The following DMD variants were observed in gnomAD, a reference collection of about 807,000 sequenced individuals.
The protein encoded by DMD is dystrophin, also known as mutant dystrophin.
Under a neutral mutation model 330.1 loss-of-function variants are expected in DMD, and 63 were observed. The ratio of observed to expected loss-of-function variants is 0.19; its 90% confidence interval spans 0.16 to 0.24. The LOEUF (loss-of-function observed/expected upper bound fraction) is 0.24, where lower values mean the gene tolerates loss of function less well. DMD is among the 10% of genes least tolerant of loss of function. DMD has a pLI of 1.00. For missense variants in DMD, 3,344 were observed against 2,684.1 expected (o/e 1.25, Z -5.43); for synonymous variants, 1,223 against 959.8 (o/e 1.27, Z -5.07).
chrX:32,755,789 G>T (rs2071432501), intron 7 of DMD, among the ~76,000 whole-genome samples: 1 of 112,042 alleles, frequency 8.9e-6, no homozygotes. Flanking sequence ...TCAAGAAAAT[G>T]GTTGTGTATC....
At position 32,077,222 on chromosome X, in the gene DMD, C is replaced by T. The variant is rs762471193; in HGVS notation, c.6439-108708G>A. 8.1e-5 allele frequency among the ~76,000 whole-genome samples: 9 copies of T among 110,804 alleles called. No homozygotes were observed. The South Asian group carries it at 3.5e-3, about 43-fold the overall frequency. On this transcript the variant is annotated intron_variant, in intron 44 of 78. Coordinates refer to ENST00000357033, the MANE Select transcript of DMD (RefSeq NM_004006.3). Reference sequence around the variant, plus strand: ...CAAGGTTCTGTTTTTAATCTAAGTGCTGGTTAAAGGGATGTGTTCAGTTTG... The same window carrying T: ...CAAGGTTCTGTTTTTAATCTAAGTGTTGGTTAAAGGGATGTGTTCAGTTTG...
At chrX:31,990,644 C>T (rs2095543812) in intron 44 of DMD, among the ~76,000 whole-genome samples, 1 of 111,928 alleles carries the variant, frequency 8.9e-6, no homozygotes, top group Admixed American at 9.5e-5. Flanking sequence ...ACAAATAGTT[C>T]AATTACTCAA....
intron 2 of DMD, among the ~76,000 whole-genome samples, chrX:32,971,058 T>G (rs1212228698): frequency 1.8e-5 from 2 of 110,384 alleles, no homozygotes; most frequent in Non-Finnish European, 3.8e-5. Context: ...GCCTCCCGGG[T>G]TCAAGTGATT....
intron 1 of DMD, among the ~76,000 whole-genome samples, chrX:33,107,186 C>T (rs765871589): frequency 9.1e-6 from 1 of 109,976 alleles, no homozygotes; most frequent in Non-Finnish European, 1.9e-5. Flanking sequence ...GTGGCGGATG[C>T]CTGTAATCCC....
intron 9 of DMD, among the ~76,000 whole-genome samples, chrX:32,684,488 T>A: frequency 9.0e-6 from 1 of 111,637 alleles, no homozygotes; most frequent in East Asian, 2.8e-4. Context: ...TCTTACATCA[T>A]TTCATTTACC....
At chrX:33,070,673 C>CTCTCTCTCTCTCTCTCTATATA (rs1192910156) in intron 1 of DMD, among the ~76,000 whole-genome samples, 2 of 35,640 alleles carry the variant, frequency 5.6e-5, no homozygotes, top group Non-Finnish European at 8.9e-5. Context: ...CTCTCTCTCT[C>CTCTCTCTCTCTCTCTCTATATA]TATATATATA....
intron 1 of DMD, among the ~76,000 whole-genome samples, chrX:33,138,728 TG>T (rs1383776550): frequency 9.0e-6 from 1 of 111,223 alleles, no homozygotes; most frequent in East Asian, 2.8e-4. Context: ...AGGCCTCCCT[TG>T]TGAGTACTTT....
intron 55 of DMD, among the ~76,000 whole-genome samples, chrX:31,610,426 C>T (rs187433776): frequency 2.1e-3 from 239 of 111,419 alleles, no homozygotes; most frequent in African/African-American, 7.3e-3. Context: ...CACCATCAGT[C>T]AGGGGTGGGT....
At chrX:33,188,005 G>A (rs1470712481) in intron 1 of DMD, among the ~76,000 whole-genome samples, 1 of 111,324 alleles carries the variant, frequency 9.0e-6, no homozygotes, top group Non-Finnish European at 1.9e-5. Context: ...ACTGTATAGC[G>A]TGTGGTATGA....
At chrX:32,090,512 A>C (rs1357667979) in intron 44 of DMD, among the ~76,000 whole-genome samples, 1 of 111,203 alleles carries the variant, frequency 9.0e-6, no homozygotes, top group Non-Finnish European at 1.9e-5. Context: ...ACCCACTTTT[A>C]AGGTGGGGAT....
intron 11 of DMD, among the ~76,000 whole-genome samples, chrX:32,622,774 G>A (rs901730153): frequency 9.0e-6 from 1 of 111,307 alleles, no homozygotes; most frequent in Non-Finnish European, 1.9e-5. Context: ...GCCCCCCGGG[G>A]TCTTGATCAC....
chrX:32,360,800 AAATAAT>A (rs199527400), intron 37 of DMD, among the ~76,000 whole-genome samples: 79 of 95,934 alleles, frequency 8.2e-4, no homozygotes, highest in Non-Finnish European at 1.4e-3. Context: ...CACACACACA[AAATAAT>A]AATAATAATA....
intron 43 of DMD, among the ~76,000 whole-genome samples, chrX:32,221,188 A>G (rs983509546): frequency 9.0e-6 from 1 of 111,097 alleles, no homozygotes; most frequent in Non-Finnish European, 1.9e-5. Context: ...TAAATAAATA[A>G]CACCCTAGTA....
chrX:32,949,342 G>GTAGGTAGGTAGA (rs1225499899), intron 2 of DMD, among the ~76,000 whole-genome samples: 145 of 91,537 alleles, frequency 1.6e-3, no homozygotes, highest in Non-Finnish European at 2.6e-3. Context: ...AGGTAGGTAG[G>GTAGGTAGGTAGA]TAGATAGATA....
At chrX:32,383,047 A>C (rs1020511913) in intron 33 of DMD, among the ~76,000 whole-genome samples, 1 of 111,215 alleles carries the variant, frequency 9.0e-6, no homozygotes, top group African/African-American at 3.3e-5. Context: ...ATTTCCATAA[A>C]AATCAGAGCA....
At chrX:31,463,661 C>A (rs1193322267) in intron 59 of DMD, among the ~76,000 whole-genome samples, 6 of 111,306 alleles carry the variant, frequency 5.4e-5, no homozygotes, top group Non-Finnish European at 1.1e-4. Context: ...CTGTGTGATT[C>A]CATTTTCTTA....
intron 33 of DMD, among the ~76,000 whole-genome samples, chrX:32,381,881 T>G (rs1302946850): frequency 9.0e-6 from 1 of 110,885 alleles, no homozygotes; most frequent in Admixed American, 9.7e-5. Flanking sequence ...CATGATGGAA[T>G]GTAAGTATGT....
chrX:32,739,451 A>T (rs1488353817), intron 7 of DMD, among the ~76,000 whole-genome samples: 2 of 112,160 alleles, frequency 1.8e-5, no homozygotes, highest in African/African-American at 6.5e-5. Context: ...GATTACCATA[A>T]TACAAAGCAT....
chrX:32,595,842 C>A lies in DMD; in HGVS notation c.1517G>T (p.Arg506Met). Reference protein sequence around the residue: ...LQEDLEQEQVRVNSLTHMVVV... With the variant: ...LQEDLEQEQVMVNSLTHMVVV... ...CACCATGTGAGTGAGAGAATTGACC[C>A]TGACTTGTTCTTGTTCTAGATCTTC... Residue 506 changes from arginine (R) to methionine (M), a missense_variant, in exon 13 of 79, where the codon AGG (arginine) becomes ATG (methionine). Arg to Met is a moderately conservative substitution (Grantham distance 91). Transcript: ENST00000357033. The A allele has an allele frequency of 8.3e-7, 1 of 1,201,821 alleles. No homozygotes were observed. Among genetic ancestry groups the A allele is most frequent in the Non-Finnish European group, 1.1e-6 (1 of 886,577 alleles).
Sources: allele counts gnomAD v4.1 joint callset (sites outside exome capture counted in the v4.1 genomes callset), GRCh38; gene constraint gnomAD v4.1.1; transcripts MANE v1.5; gene names NCBI Gene and HGNC (gene_info 2026-07-23, HGNC 2026-07-21).